Variants in KARS1 observed in about 807,000 individuals in gnomAD.
KARS1 encodes the protein lysine--tRNA ligase.
In KARS1, 50 loss-of-function variants were observed where a neutral mutation model predicts 63.9. The observed-to-expected ratio is 0.78, with a 90% CI of 0.62 to 0.99. The LOEUF (loss-of-function observed/expected upper bound fraction) is 0.99. KARS1 is among the 50% of genes least tolerant of loss of function. The pLI is 0.00. For synonymous variants in KARS1, 320 were observed against 264.6 expected (o/e 1.21, Z -2.03); for missense variants, 816 against 754.5 (o/e 1.08, Z -0.95).
chr16:75,646,860 G>A (rs368417073), intron 1 of KARS1, among the ~76,000 whole-genome samples: 2 of 152,218 alleles, frequency 1.3e-5, no homozygotes, highest in South Asian at 2.1e-4. Flanking sequence ...TCCTAGCAAT[G>A]ATAAAACACT....
intron 12 of KARS1, 104 bp downstream of exon 12, chr16:75,629,311 C>T (rs2082084317): frequency 6.9e-6 from 10 of 1,441,954 alleles, no homozygotes; most frequent in South Asian, 1.2e-5. Flanking sequence ...CTTTATCTTT[C>T]ACTTCTGAAG....
At chr16:75,633,024 G>C (rs1466298521) in intron 7 of KARS1, among the ~76,000 whole-genome samples, 1 of 152,134 alleles carries the variant, frequency 6.6e-6, no homozygotes, top group African/African-American at 2.4e-5. Context: ...GCCCTCTTGG[G>C]GGGAGGTTGA....
chr16:75,629,790 G>A (rs957430642), intron 11 of KARS1, among the ~76,000 whole-genome samples: 1 of 152,178 alleles, frequency 6.6e-6, no homozygotes, highest in African/African-American at 2.4e-5. Flanking sequence ...TAGAGACAGG[G>A]TTTCGCCATA....
chr16:75,644,584 TA>T (rs1472942121), intron 1 of KARS1: 1 of 605,128 alleles, frequency 1.7e-6, no homozygotes, highest in Admixed American at 3.2e-5. Flanking sequence ...CCATTTAACT[TA>T]AGACTGTCTT....
At chr16:75,634,934 G>A (rs775708334) in intron 6 of KARS1, among the ~76,000 whole-genome samples, 1 of 152,162 alleles carries the variant, frequency 6.6e-6, no homozygotes, top group Non-Finnish European at 1.5e-5. Context: ...TATCTCAACT[G>A]ATTGTTTAAA....
intron 1 of KARS1, among the ~76,000 whole-genome samples, chr16:75,643,890 G>A (rs1231268662): frequency 6.6e-6 from 1 of 152,128 alleles, no homozygotes; most frequent in African/African-American, 2.4e-5. Context: ...CACTCAACCA[G>A]GTGCTCCTCT....
rs1345344398 is a variant in KARS1, at chr16:75,640,335, G to A, written c.237C>T (p.Ile79=). The change falls in exon 3 of 14, where the codon ATC becomes ATT. Residue 79 remains isoleucine (I), a synonymous_variant. Coordinates refer to ENST00000302445, the MANE Select transcript of KARS1 (RefSeq NM_005548.3). The stretch of plus-strand genomic sequence containing the variant: ...TCAGCTGATGAATTGCTTGACTGCG[G>A]ATTTTGTAGTATTGCTGTTAAAAAA... ...ESVDPNQYYK[I]RSQAIHQLKV... is the part of the protein sequence containing the mutation. 2 of 1,606,236 alleles carry A rather than the reference G, an allele frequency of 1.2e-6. No homozygotes were observed. The highest frequency in any genetic ancestry group is 1.1e-5 in the South Asian group (1 of 90,658).
intron 1 of KARS1, 142 bp from the exon 2 acceptor site, chr16:75,641,865 G>T: frequency 1.2e-6 from 1 of 803,510 alleles, no homozygotes; most frequent in Non-Finnish European, 2.1e-6. Flanking sequence ...CACACCCACA[G>T]CTCAGCTCAA....
chr16:75,638,546 G>A (rs756149925), intron 3 of KARS1, among the ~76,000 whole-genome samples: 3 of 151,960 alleles, frequency 2.0e-5, no homozygotes, highest in Non-Finnish European at 2.9e-5. Context: ...AGAAAAAGAC[G>A]CAAAACATGA....
Position 75,627,847 on chromosome 16 carries a change from G to A in KARS1, c.*48C>T. On this transcript the variant is annotated 3_prime_UTR_variant, in exon 14 of 14. Transcript: ENST00000302445. Reference sequence around the variant, plus strand: ...ATTCCCTTGCAGACCTTGATCTTTCGCAGAAATGCAAAGACGCCTGAGTTA... The same window carrying A: ...ATTCCCTTGCAGACCTTGATCTTTCACAGAAATGCAAAGACGCCTGAGTTA... The A allele has an allele frequency of 6.6e-6, 7 of 1,061,492 alleles. No individual in the cohort carries two copies. The highest frequency in any genetic ancestry group is 2.4e-5 in the East Asian group (1 of 42,450). 65.8% of individuals were successfully genotyped at this position (1,061,492 alleles called of 1,614,324 possible).
intron 3 of KARS1, among the ~76,000 whole-genome samples, chr16:75,637,144 T>A (rs1029856920): frequency 6.6e-6 from 1 of 152,198 alleles, no homozygotes; most frequent in African/African-American, 2.4e-5. Flanking sequence ...GTTTTTGGAT[T>A]TCCCTGAATC....
chr16:75,647,427 T>C (rs2082300155), intron 1 of KARS1, 151 bp downstream of exon 1: 11 of 777,148 alleles, frequency 1.4e-5, no homozygotes, highest in Non-Finnish European at 1.8e-5. Context: ...GTACGTGGTC[T>C]GCAGGGCGCA....
At position 75,640,242 on chromosome 16, in the gene KARS1, T is replaced by C. The variant is rs765149002; in HGVS notation, c.330A>G (p.Gln110=). 105 of 1,613,898 alleles carry C rather than the reference T, an allele frequency of 6.5e-5. No homozygotes were observed. In the Admixed American group the frequency reaches 1.2e-3, roughly 18 times the overall value. The change falls in exon 3 of 14, where the codon CAA becomes CAG. Residue 110 remains glutamine, a synonymous_variant. Coordinates refer to ENST00000302445, the MANE Select transcript of KARS1 (RefSeq NM_005548.3). Reference sequence around the variant, plus strand: ...CCCCAGGCTGCAGGTGACTATATTTTTGGATGAAGTCAGTGAGTGAGATGT... The same window carrying C: ...CCCCAGGCTGCAGGTGACTATATTTCTGGATGAAGTCAGTGAGTGAGATGT... ...HVDISLTDFI[Q]KYSHLQPGDH...
chr16:75,642,059 AGG>A (rs1280066336), intron 1 of KARS1, among the ~76,000 whole-genome samples: 1 of 152,136 alleles, frequency 6.6e-6, no homozygotes, highest in Non-Finnish European at 1.5e-5. Context: ...ATAGGAGAAA[AGG>A]TTTTCTAGAA....
At chr16:75,634,822 A>C (rs1417134016) in intron 6 of KARS1, among the ~76,000 whole-genome samples, 3 of 152,118 alleles carry the variant, frequency 2.0e-5, no homozygotes, top group East Asian at 3.9e-4. Flanking sequence ...TGATCTGCTC[A>C]CCTCGGCCTC....
chr16:75,629,268 T>C (rs2082083935), intron 12 of KARS1, 147 bp downstream of exon 12: 2 of 933,500 alleles, frequency 2.1e-6, no homozygotes, highest in East Asian at 2.5e-5. Context: ...GAAGTCACCA[T>C]CTTGAAATGT....
intron 6 of KARS1, among the ~76,000 whole-genome samples, chr16:75,634,560 G>C (rs780611686): frequency 1.6e-4 from 24 of 152,124 alleles, no homozygotes; most frequent in Non-Finnish European, 2.2e-4. Context: ...AGCCTTTCTT[G>C]AGTTCAATTT....
intron 2 of KARS1, 24 bp from the exon 3 acceptor site, chr16:75,640,373 G>C (rs80287344): frequency 7.9e-7 from 1 of 1,265,052 alleles, no homozygotes; most frequent in Non-Finnish European, 1.1e-6. Context: ...AAAAAAAAAA[G>C]CCCTTCAGAA....
At chr16:75,638,343 TC>T (rs2151807812) in intron 3 of KARS1, among the ~76,000 whole-genome samples, 1 of 152,270 alleles carries the variant, frequency 6.6e-6, no homozygotes, top group African/African-American at 2.4e-5. Flanking sequence ...GGTTTTAAGC[TC>T]TGCATGCATT....
Sources: gnomAD v4.1 joint callset for allele counts (sites outside exome capture counted in the v4.1 genomes callset) on GRCh38, gnomAD v4.1.1 for gene constraint, MANE v1.5 for transcripts, NCBI Gene and HGNC (gene_info 2026-07-23, HGNC 2026-07-21) for gene names.